Variants in FTO observed in about 807,000 individuals in gnomAD.
The protein encoded by FTO is FTO alpha-ketoglutarate dependent dioxygenase.
A neutral mutation model predicts 63.9 loss-of-function variants in FTO; 47 were observed. The observed-to-expected ratio is 0.74, with a 90% confidence interval of 0.58 to 0.94. The LOEUF (loss-of-function observed/expected upper bound fraction) is 0.94. Among genes scored for constraint, FTO ranks in the 40% least tolerant of loss-of-function variants. FTO has a pLI of 0.00. For synonymous variants in FTO, 207 were observed against 224.4 expected, an observed-to-expected ratio of 0.92 and a Z score of 0.69; for missense variants, 562 against 618.1, an observed-to-expected ratio of 0.91 and a Z score of 0.96.
At chr16:53,719,629 T>G (rs1261030071) in intron 1 of FTO, among the ~76,000 whole-genome samples, 2 of 147,316 alleles carry the variant, frequency 1.4e-5, no homozygotes, top group Non-Finnish European at 3.0e-5. Flanking sequence ...TTGCTGGTAG[T>G]CTGTTTTTTT....
At chr16:54,083,922 C>G (rs1248169695) in intron 8 of FTO, among the ~76,000 whole-genome samples, 1 of 152,146 alleles carries the variant, frequency 6.6e-6, no homozygotes, top group Non-Finnish European at 1.5e-5. Flanking sequence ...GAATCCCAGC[C>G]TTTCCATGTA....
chr16:53,829,024 G>A (rs1033680086), intron 3 of FTO, among the ~76,000 whole-genome samples: 1 of 152,100 alleles, frequency 6.6e-6, no homozygotes, highest in Non-Finnish European at 1.5e-5. Flanking sequence ...CCGAGTAGCT[G>A]GGATTACAGG....
intron 8 of FTO, among the ~76,000 whole-genome samples, chr16:53,951,113 C>T (rs777044746): frequency 2.5e-4 from 38 of 152,252 alleles, no homozygotes; most frequent in Non-Finnish European, 4.0e-4. Flanking sequence ...CCAAATGTAT[C>T]ACATGAAAAT....
chr16:53,879,932 C>G lies in FTO; in HGVS notation c.1064C>G (p.Ser355Cys). ...GACGATGTGGACAATGATGATGTCT[C>G]TTTGAAATCCTTTGAGCCTGCAGTT... is the stretch of plus-strand genomic sequence containing the variant. ...VCDDVDNDDV[S>C]LKSFEPAVLK... The change falls in exon 6 of 9, where the codon TCT becomes TGT. Residue 355 changes from serine (S) to cysteine (C), a missense_variant. Physicochemically the swap from Ser to Cys is moderately radical, Grantham distance 112. Transcript: ENST00000471389. The G allele has an allele frequency of 1.9e-6, 3 of 1,613,670 alleles. No homozygotes were observed. The highest frequency in any genetic ancestry group is 2.5e-6 in the Non-Finnish European group (3 of 1,179,894).
At chr16:53,865,780 G>T (rs1281577933) in intron 4 of FTO, among the ~76,000 whole-genome samples, 1 of 152,120 alleles carries the variant, frequency 6.6e-6, no homozygotes, top group African/African-American at 2.4e-5. Flanking sequence ...CTATGAAACT[G>T]CCAGTCAGAT....
intron 1 of FTO, among the ~76,000 whole-genome samples, chr16:53,795,647 C>T (rs1196045879): frequency 6.6e-6 from 1 of 152,054 alleles, no homozygotes; most frequent in African/African-American, 2.4e-5. Flanking sequence ...TGAGAATTTT[C>T]CTATTTAAAG....
At chr16:53,720,363 T>C (rs1484390693) in intron 1 of FTO, among the ~76,000 whole-genome samples, 2 of 152,012 alleles carry the variant, frequency 1.3e-5, no homozygotes, top group African/African-American at 2.4e-5. Context: ...TATGTAGATA[T>C]AAATATGATT....
At chr16:53,768,863 C>T (rs1034625259) in intron 1 of FTO, among the ~76,000 whole-genome samples, 12 of 152,146 alleles carry the variant, frequency 7.9e-5, no homozygotes, top group African/African-American at 2.9e-4. Context: ...TTGGTCACAT[C>T]ACCCCTGGCT....
chr16:53,748,093 C>T (rs1555627382), intron 1 of FTO, among the ~76,000 whole-genome samples: 1 of 152,016 alleles, frequency 6.6e-6, no homozygotes, highest in Non-Finnish European at 1.5e-5. Flanking sequence ...AGTGTGATGC[C>T]TCCAGCTTTG....
rs2086995475 is a variant in FTO, at chr16:54,120,126, G to C, written c.*8211G>C. Reference sequence around the variant, plus strand: ...TCTGAAAGCATGAAGCCCAGCTGAGGCCAAAATCAAAGTGAATTTGACAGC... The same window carrying C: ...TCTGAAAGCATGAAGCCCAGCTGAGCCCAAAATCAAAGTGAATTTGACAGC... On this transcript the variant is annotated 3_prime_UTR_variant, in exon 9 of 9. Coordinates refer to ENST00000471389, the MANE Select transcript of FTO (RefSeq NM_001080432.3). The C allele has an allele frequency of 6.6e-6, 1 of 152,208 alleles. No homozygotes were observed. The highest frequency in any genetic ancestry group is 1.5e-5 in the Non-Finnish European group (1 of 68,064). The allele number at this position is 152,208 out of a possible 1,614,324, so 9.4% of individuals were successfully genotyped here.
chr16:53,884,979 G>A lies in FTO; in HGVS notation c.1120-3853G>A, dbSNP rs548430107. 6.5e-4 allele frequency among the ~76,000 whole-genome samples: 99 copies of A among 152,302 alleles called. 1 individual carries two copies. The highest frequency in any genetic ancestry group is 6.8e-3 in the Middle Eastern group (2 of 294). On this transcript the variant is annotated intron_variant, in intron 6 of 8. Coordinates refer to ENST00000471389, the MANE Select transcript of FTO (RefSeq NM_001080432.3). ...TCCTGACGGCTTGCCTCTTATTTCT[G>A]CTGTGTTAGCTATGAGCATCCTTTG...
intron 1 of FTO, among the ~76,000 whole-genome samples, chr16:53,790,454 C>T (rs1243382483): frequency 1.3e-5 from 2 of 151,820 alleles, no homozygotes; most frequent in Non-Finnish European, 2.9e-5. Flanking sequence ...TGTTGGCTCA[C>T]ACCTGTAATC....
At chr16:54,003,534 T>G (rs556100410) in intron 8 of FTO, among the ~76,000 whole-genome samples, 30 of 152,284 alleles carry the variant, frequency 2.0e-4, no homozygotes, top group Non-Finnish European at 3.4e-4. Context: ...TTCTTTATTT[T>G]TTATAGAGAC....
At chr16:54,061,457 A>C (rs1015006940) in intron 8 of FTO, among the ~76,000 whole-genome samples, 1 of 152,220 alleles carries the variant, frequency 6.6e-6, no homozygotes, top group Non-Finnish European at 1.5e-5. Flanking sequence ...ATCTGACTTC[A>C]TGGGCAGGTG....
chr16:54,009,924 G>A (rs765349011), intron 8 of FTO, among the ~76,000 whole-genome samples: 17 of 152,168 alleles, frequency 1.1e-4, no homozygotes, highest in Non-Finnish European at 1.9e-4. Context: ...TGAAGGTTCA[G>A]CTGTAAAGTG....
intron 7 of FTO, among the ~76,000 whole-genome samples, chr16:53,914,051 T>C (rs929032207): frequency 2.6e-5 from 4 of 151,706 alleles, no homozygotes; most frequent in Non-Finnish European, 5.9e-5. Flanking sequence ...CGCATTGTCC[T>C]GCCCCAGTGG....
chr16:53,825,086 A>G (rs7190842), intron 2 of FTO, among the ~76,000 whole-genome samples: 117,362 of 152,142 alleles, frequency 0.77, 45,352 homozygotes, highest in African/African-American at 0.83. Flanking sequence ...ATCCATGCAC[A>G]AATCCATTTA....
chr16:54,009,374 G>A (rs80254042), intron 8 of FTO, among the ~76,000 whole-genome samples: 1,994 of 152,102 alleles, frequency 0.013, 31 homozygotes, highest in African/African-American at 0.045. Flanking sequence ...CTTATTTTCC[G>A]TTCATCAAAC....
intron 1 of FTO, among the ~76,000 whole-genome samples, chr16:53,753,992 A>C (rs1447703828): frequency 1.3e-5 from 2 of 152,256 alleles, no homozygotes; most frequent in East Asian, 3.9e-4. Context: ...GTCTCCATTT[A>C]ATTTTTATAT....
Sources: allele counts gnomAD v4.1 joint callset (sites outside exome capture counted in the v4.1 genomes callset), GRCh38; gene constraint gnomAD v4.1.1; transcripts MANE v1.5; gene names NCBI Gene and HGNC (gene_info 2026-07-23, HGNC 2026-07-21).